The following TMEM51 variants were observed in gnomAD, a reference collection of about 807,000 sequenced individuals.
TMEM51 encodes the protein transmembrane protein 51.
In TMEM51, 8 loss-of-function variants were observed where a neutral mutation model predicts 13.6. That is an observed-to-expected ratio of 0.59 (90% CI 0.35 to 1.07). The LOEUF (loss-of-function observed/expected upper bound fraction) is 1.07, where lower values mean the gene tolerates loss of function less well. Ranked by LOEUF, TMEM51 falls within the 50% of genes least tolerant of loss-of-function variation. TMEM51 has a pLI of 0.02. For synonymous variants in TMEM51, 147 were observed against 144.4 expected (o/e 1.02, Z -0.13); for missense variants, 279 against 330.7 (o/e 0.84, Z 1.21).
intron 1 of TMEM51, among the ~76,000 whole-genome samples, chr1:15,186,460 A>G (rs996293469): frequency 3.9e-5 from 6 of 152,178 alleles, no homozygotes; most frequent in Non-Finnish European, 8.8e-5. Flanking sequence ...TTGCCCCTGA[A>G]TGAGGGAGAG....
chr1:15,174,561 G>A (rs1327469759), intron 1 of TMEM51, among the ~76,000 whole-genome samples: 8 of 152,012 alleles, frequency 5.3e-5, no homozygotes, highest in African/African-American at 1.2e-4. Flanking sequence ...TTCCTATATC[G>A]GTCTCAACTC....
chr1:15,219,903 G>A lies in TMEM51; in HGVS notation c.*160G>A, dbSNP rs924431194. On this transcript the variant is annotated 3_prime_UTR_variant, in exon 4 of 4. Coordinates refer to ENST00000376008, the MANE Select transcript of TMEM51 (RefSeq NM_001136218.2). ...GGGGGGGATTCTCTGTATCAGGAGT[G>A]ACTTTGTTGCCCCACACAGCCTCCT... is the stretch of plus-strand genomic sequence containing the variant. 2.6e-6 allele frequency: 2 copies of A among 780,512 alleles called. No individual in the cohort carries two copies. Among genetic ancestry groups the A allele is most frequent in the Middle Eastern group, 3.8e-4 (1 of 2,656 alleles). The allele number at this position is 780,512 out of a possible 1,614,324, so 48.3% of individuals were successfully genotyped here.
At chr1:15,174,450 C>T (rs1643392634) in intron 1 of TMEM51, among the ~76,000 whole-genome samples, 1 of 152,110 alleles carries the variant, frequency 6.6e-6, no homozygotes, top group Non-Finnish European at 1.5e-5. Flanking sequence ...CTGTGTTGCC[C>T]AGGCTGGTCT....
chr1:15,187,828 C>T (rs1351658103), intron 1 of TMEM51, among the ~76,000 whole-genome samples: 1 of 152,042 alleles, frequency 6.6e-6, no homozygotes, highest in East Asian at 1.9e-4. Flanking sequence ...CAGCCATCCT[C>T]AAAACACCCC....
intron 1 of TMEM51, among the ~76,000 whole-genome samples, chr1:15,199,700 A>G (rs1338162679): frequency 6.6e-6 from 1 of 152,008 alleles, no homozygotes; most frequent in Non-Finnish European, 1.5e-5. Context: ...CTCTGAAATG[A>G]TATACTTTCC....
intron 1 of TMEM51, among the ~76,000 whole-genome samples, chr1:15,206,285 A>G (rs1177486543): frequency 6.7e-6 from 1 of 150,096 alleles, no homozygotes; most frequent in African/African-American, 2.4e-5. Flanking sequence ...GAGGGGAGGG[A>G]AGGGAACATT....
intron 2 of TMEM51, among the ~76,000 whole-genome samples, chr1:15,210,766 A>C (rs1018375496): frequency 5.3e-5 from 8 of 152,330 alleles, no homozygotes; most frequent in Admixed American, 4.6e-4. Flanking sequence ...GTGTGGTCCA[A>C]ATCCTCTAAG....
rs529517881 is a variant in TMEM51, at chr1:15,160,838, A to G, written c.-267+6884A>G. 2.0e-5 allele frequency among the ~76,000 whole-genome samples: 3 copies of G among 151,930 alleles called. No individual in the cohort carries two copies. The South Asian group carries it at 6.3e-4, about 32-fold the overall frequency. On this transcript the variant is annotated intron_variant, in intron 1 of 3. Coordinates refer to ENST00000376008, the MANE Select transcript of TMEM51 (RefSeq NM_001136218.2). ...GGTATGCCAGGCGCTGAGCCCAGGA[A>G]CGAGGGAGAGTCAGCCCCCGCCCCC... is the stretch of plus-strand genomic sequence containing the variant.
At chr1:15,175,532 G>A (rs2100214072) in intron 1 of TMEM51, among the ~76,000 whole-genome samples, 1 of 152,340 alleles carries the variant, frequency 6.6e-6, no homozygotes, top group East Asian at 1.9e-4. Context: ...GGCTACCTCT[G>A]TGTATTAGTC....
chr1:15,188,603 C>G (rs1643858167), intron 1 of TMEM51, among the ~76,000 whole-genome samples: 1 of 152,242 alleles, frequency 6.6e-6, no homozygotes. Context: ...AAGACAGTAG[C>G]ATTCTACTTG....
chr1:15,184,785 T>C (rs1643720967), intron 1 of TMEM51, among the ~76,000 whole-genome samples: 2 of 151,786 alleles, frequency 1.3e-5, no homozygotes, highest in South Asian at 4.2e-4. Flanking sequence ...TAGTATAGAG[T>C]ATAGAGCTCT....
Position 15,156,776 on chromosome 1 carries a change from C to T in TMEM51, c.-267+2822C>T, listed in dbSNP as rs1205489197. ...AGGGGATGGGACTTACCCAAGGACA[C>T]ACAACAGTTCAGCAGCAGAACTGGG... On this transcript the variant is annotated intron_variant, in intron 1 of 3. Coordinates refer to ENST00000376008, the MANE Select transcript of TMEM51 (RefSeq NM_001136218.2). 5.3e-5 allele frequency among the ~76,000 whole-genome samples: 8 copies of T among 152,320 alleles called. No individual in the cohort carries two copies. In the East Asian group the frequency reaches 1.4e-3, roughly 26 times the overall value.
At chr1:15,199,206 C>T (rs1468987306) in intron 1 of TMEM51, among the ~76,000 whole-genome samples, 1 of 151,450 alleles carries the variant, frequency 6.6e-6, no homozygotes, top group Non-Finnish European at 1.5e-5. Context: ...AATCTCAGCT[C>T]ACTGCAACCT....
At chr1:15,170,358 CTT>C (rs34604282) in intron 1 of TMEM51, among the ~76,000 whole-genome samples, 4 of 145,140 alleles carry the variant, frequency 2.8e-5, no homozygotes, top group African/African-American at 2.6e-5. Flanking sequence ...TTTTTTTTAT[CTT>C]TTTTTTTTTT....
intron 1 of TMEM51, among the ~76,000 whole-genome samples, chr1:15,167,361 A>G (rs964933697): frequency 6.9e-6 from 1 of 144,768 alleles, no homozygotes; most frequent in African/African-American, 2.5e-5. Flanking sequence ...AAAAAAGAAT[A>G]CATTTGAGAT....
At chr1:15,180,045 G>A (rs1013699767) in intron 1 of TMEM51, among the ~76,000 whole-genome samples, 4 of 152,094 alleles carry the variant, frequency 2.6e-5, no homozygotes, top group Non-Finnish European at 5.9e-5. Context: ...AGATGCCTCC[G>A]CCCCAGCCCT....
Position 15,219,909 on chromosome 1 carries a change from G to A in TMEM51, c.*166G>A. On this transcript the variant is annotated 3_prime_UTR_variant, in exon 4 of 4. Transcript: ENST00000376008. ...GATTCTCTGTATCAGGAGTGACTTT[G>A]TTGCCCCACACAGCCTCCTGCTGCA... 2.7e-6 allele frequency: 2 copies of A among 739,374 alleles called. No individual in the cohort carries two copies. Among genetic ancestry groups the A allele is most frequent in the East Asian group, 5.4e-5 (2 of 36,918 alleles). 45.8% of individuals were successfully genotyped at this position (739,374 alleles called of 1,614,324 possible).
chr1:15,176,583 G>A (rs978767085), intron 1 of TMEM51, among the ~76,000 whole-genome samples: 1 of 152,172 alleles, frequency 6.6e-6, no homozygotes, highest in African/African-American at 2.4e-5. Flanking sequence ...ATAGACCCAG[G>A]ACCGTTTCCC....
In TMEM51 at chr1:15,161,383, G is replaced by A. The variant is rs1381882748; in HGVS notation, c.-267+7429G>A. ...TTACCCGGTATGGTGGCAGGTGCCTGTAATCCCAGCTACTCAGGAGGCTGA... is the reference window on the plus strand; with the variant it reads ...TTACCCGGTATGGTGGCAGGTGCCTATAATCCCAGCTACTCAGGAGGCTGA... On this transcript the variant is annotated intron_variant, in intron 1 of 3. Coordinates refer to ENST00000376008, the MANE Select transcript of TMEM51 (RefSeq NM_001136218.2). This position sits in a 1 kb window ranked among gnomAD's most constrained non-coding sequence, Gnocchi z 4.0. Among the ~76,000 whole-genome samples, 2 of 151,810 alleles carry A rather than the reference G, an allele frequency of 1.3e-5. No homozygotes were observed. Among genetic ancestry groups the A allele is most frequent in the Non-Finnish European group, 2.9e-5 (2 of 68,020 alleles).
Sources: allele counts gnomAD v4.1 joint callset (sites outside exome capture counted in the v4.1 genomes callset), GRCh38; gene constraint gnomAD v4.1.1; non-coding constraint Gnocchi (gnomAD v3.1); transcripts MANE v1.5; gene names NCBI Gene and HGNC (gene_info 2026-07-23, HGNC 2026-07-21).